Variants in PDE10A observed in about 807,000 individuals in gnomAD.
The protein encoded by PDE10A is phosphodiesterase 10A, also known as cAMP and cAMP-inhibited cGMP 3',5'-cyclic phosphodiesterase 10A.
PDE10A carries 39 observed loss-of-function variants against 97.7 expected under a neutral mutation model. That is an observed-to-expected ratio of 0.40 (90% CI 0.31 to 0.52). The LOEUF (loss-of-function observed/expected upper bound fraction) is 0.52. Among genes scored for constraint, PDE10A ranks in the 20% least tolerant of loss-of-function variants. The pLI is 0.56. For missense variants in PDE10A, 731 were observed against 1,047.8 expected (o/e 0.70, Z 4.17); for synonymous variants, 371 against 376.8 (o/e 0.98, Z 0.18).
chr6:165,367,543 C>T lies in PDE10A; in HGVS notation c.2783+11651G>A, dbSNP rs140514503. ...CTCCAAACTTCACTGAAATCAGCAGCCCACAGACCCAGAAACCTCAGAAGA... is the reference window on the plus strand; with the variant it reads ...CTCCAAACTTCACTGAAATCAGCAGTCCACAGACCCAGAAACCTCAGAAGA... On this transcript the variant is annotated intron_variant, in intron 18 of 21. Transcript: ENST00000539869. Among the ~76,000 whole-genome samples the T allele has an allele frequency of 3.0e-3, 461 of 151,938 alleles. 3 individuals carry two copies. Among genetic ancestry groups the T allele is most frequent in the African/African-American group, 0.01 (429 of 41,424 alleles).
chr6:165,968,619 C>G (rs1784582740), intron 1 of PDE10A, among the ~76,000 whole-genome samples: 1 of 152,194 alleles, frequency 6.6e-6, no homozygotes, highest in African/African-American at 2.4e-5. Context: ...CTACCCTGAC[C>G]ACGTGACATG....
intron 1 of PDE10A, among the ~76,000 whole-genome samples, chr6:165,792,626 G>C (rs1007054253): frequency 6.6e-6 from 1 of 152,052 alleles, no homozygotes; most frequent in African/African-American, 2.4e-5. Flanking sequence ...GTTCAGTCCT[G>C]GGTGACTCCT....
At chr6:165,854,630 G>A (rs1323102902) in intron 1 of PDE10A, among the ~76,000 whole-genome samples, 1 of 152,170 alleles carries the variant, frequency 6.6e-6, no homozygotes, top group Non-Finnish European at 1.5e-5. Flanking sequence ...GAGGTGAGGG[G>A]AGCGGGTGGC....
intron 1 of PDE10A, among the ~76,000 whole-genome samples, chr6:165,792,265 A>T (rs1778676907): frequency 6.6e-6 from 1 of 152,192 alleles, no homozygotes; most frequent in South Asian, 2.1e-4. Context: ...GTCACCGTCG[A>T]GCAGAAGGCC....
chr6:165,573,272 C>G lies in PDE10A; in HGVS notation c.866-29704G>C, dbSNP rs1785137466. 3.2e-5 allele frequency among the ~76,000 whole-genome samples: 2 copies of G among 63,024 alleles called. 1 individual carries two copies. Among genetic ancestry groups the G allele is most frequent in the Admixed American group, 5.7e-4 (2 of 3,522 alleles). The allele number at this position is 63,024 out of a possible 152,430, so 41.3% of individuals were successfully genotyped here. A position where few individuals can be genotyped will look rare whatever the true frequency, so the allele number is the denominator to read the frequency against. ...TTGGCCGTAGAGCATGTTCTGATGTCTGGGTTTTTTTTTTTTTTTTAATCA... is the reference window on the plus strand; with the variant it reads ...TTGGCCGTAGAGCATGTTCTGATGTGTGGGTTTTTTTTTTTTTTTTAATCA... On this transcript the variant is annotated intron_variant, in intron 1 of 21. Transcript: ENST00000539869.
At chr6:165,649,491 G>C (rs1015266700) in intron 1 of PDE10A, among the ~76,000 whole-genome samples, 1 of 151,956 alleles carries the variant, frequency 6.6e-6, no homozygotes, top group South Asian at 2.1e-4. Flanking sequence ...CCCCATGAAG[G>C]CCCAGCCAGA....
chr6:165,511,190 T>C (rs10738061), intron 2 of PDE10A, among the ~76,000 whole-genome samples: 102,619 of 151,754 alleles, frequency 0.68, 36,211 homozygotes, highest in Non-Finnish European at 0.77. Context: ...AGTACTGCTT[T>C]TGCTGTATAC....
At chr6:165,423,594 G>A (rs1452844214) in intron 10 of PDE10A, among the ~76,000 whole-genome samples, 18 of 152,144 alleles carry the variant, frequency 1.2e-4, no homozygotes, top group South Asian at 4.1e-4. Context: ...TAGGCCGGGC[G>A]CGGTGGCTGA....
chr6:165,435,208 G>C (rs372129092), intron 6 of PDE10A, 29 bp downstream of exon 6: 150 of 1,580,766 alleles, frequency 9.5e-5, no homozygotes, highest in Non-Finnish European at 1.3e-4. Context: ...TAGGTCAAAA[G>C]TGTCACAAAG....
chr6:165,865,529 C>T (rs1562773572), intron 1 of PDE10A, among the ~76,000 whole-genome samples: 1 of 151,648 alleles, frequency 6.6e-6, no homozygotes, highest in Non-Finnish European at 1.5e-5. Flanking sequence ...AGAGAGCACA[C>T]AAAGAAGCCA....
chr6:165,535,302 A>G (rs1783014662), intron 2 of PDE10A, among the ~76,000 whole-genome samples: 2 of 151,678 alleles, frequency 1.3e-5, no homozygotes, highest in Admixed American at 6.6e-5. Context: ...GAGGTCTGGG[A>G]TTTTAGTGTA....
intron 2 of PDE10A, among the ~76,000 whole-genome samples, chr6:165,511,215 T>G (rs889645628): frequency 2.0e-5 from 3 of 152,008 alleles, no homozygotes; most frequent in African/African-American, 7.2e-5. Flanking sequence ...GGTTTTGGTA[T>G]GTTGTATTTC....
chr6:165,731,119 C>G (rs763589935), intron 1 of PDE10A, among the ~76,000 whole-genome samples: 1 of 152,220 alleles, frequency 6.6e-6, no homozygotes, highest in African/African-American at 2.4e-5. Context: ...GGAACCCTGC[C>G]GCATCCCAGA....
At chr6:165,567,388 G>A (rs1272883787) in intron 1 of PDE10A, among the ~76,000 whole-genome samples, 1 of 152,170 alleles carries the variant, frequency 6.6e-6, no homozygotes, top group Non-Finnish European at 1.5e-5. Context: ...AGTAAGTTGT[G>A]GAAATGGCAT....
At chr6:165,626,704 T>A (rs1441443460) in intron 1 of PDE10A, among the ~76,000 whole-genome samples, 1 of 149,980 alleles carries the variant, frequency 6.7e-6, no homozygotes, top group Non-Finnish European at 1.5e-5. Context: ...CCCTCCCTGG[T>A]GCGGCTCACT....
At chr6:165,485,198 G>A (rs1016405096) in intron 2 of PDE10A, among the ~76,000 whole-genome samples, 4 of 152,114 alleles carry the variant, frequency 2.6e-5, no homozygotes, top group Admixed American at 6.5e-5. Context: ...CTGGCTGGAC[G>A]CGGTGGCTCA....
Position 165,412,636 on chromosome 6 carries a change from G to A in PDE10A, c.2076+865C>T, listed in dbSNP as rs141100630. On this transcript the variant is annotated intron_variant, in intron 13 of 21. Coordinates refer to ENST00000539869, the MANE Select transcript of PDE10A (RefSeq NM_001385079.1). ...AAATAGCACAAACTGAATTAAAAAC[G>A]GTTACCCTCGGTCACCAGAAGTTAA... 3.8e-3 allele frequency among the ~76,000 whole-genome samples: 582 copies of A among 152,026 alleles called. 2 individuals are homozygous for A. Among genetic ancestry groups the A allele is most frequent in the Non-Finnish European group, 6.7e-3 (458 of 68,012 alleles).
intron 1 of PDE10A, among the ~76,000 whole-genome samples, chr6:165,815,120 G>A (rs1455943326): frequency 6.6e-6 from 1 of 152,200 alleles, no homozygotes. Flanking sequence ...ATGAGCAGGA[G>A]AGGCTCTCTT....
intron 18 of PDE10A, among the ~76,000 whole-genome samples, chr6:165,350,232 G>A (rs1024640479): frequency 1.3e-5 from 2 of 152,172 alleles, no homozygotes; most frequent in African/African-American, 2.4e-5. Context: ...CAGAGCTTCC[G>A]AAGGCCGTGG....
Sources: gnomAD v4.1 joint callset for allele counts (sites outside exome capture counted in the v4.1 genomes callset) on GRCh38, gnomAD v4.1.1 for gene constraint, MANE v1.5 for transcripts, NCBI Gene and HGNC (gene_info 2026-07-23, HGNC 2026-07-21) for gene names.